Variants in RNGTT observed in about 807,000 individuals in gnomAD.
RNGTT encodes RNA guanylyltransferase and 5'-phosphatase.
A neutral mutation model predicts 79.3 loss-of-function variants in RNGTT; 33 were observed. The observed-to-expected ratio is 0.42, with a 90% CI of 0.32 to 0.56. The LOEUF is 0.56. RNGTT is among the 20% of genes least tolerant of loss of function. The pLI is 0.17. For missense variants in RNGTT, 497 were observed against 739.1 expected (o/e 0.67, Z 3.80); for synonymous variants, 222 against 235.9 (o/e 0.94, Z 0.54).
intron 13 of RNGTT, among the ~76,000 whole-genome samples, chr6:88,757,390 G>T (rs1778056153): frequency 6.6e-6 from 1 of 152,144 alleles, no homozygotes. Flanking sequence ...AATATCAATT[G>T]TATATCTGGA....
intron 11 of RNGTT, among the ~76,000 whole-genome samples, chr6:88,810,526 C>T (rs569577939): frequency 6.6e-6 from 1 of 152,100 alleles, no homozygotes; most frequent in Non-Finnish European, 1.5e-5. Context: ...CTGTCAGGCA[C>T]AGTCTCCATG....
At chr6:88,898,014 C>T (rs559834889) in intron 6 of RNGTT, among the ~76,000 whole-genome samples, 1 of 152,212 alleles carries the variant, frequency 6.6e-6, no homozygotes, top group Admixed American at 6.5e-5. Flanking sequence ...CCAGACTCTA[C>T]TTGTCTTTGT....
intron 13 of RNGTT, among the ~76,000 whole-genome samples, chr6:88,730,127 A>G (rs977464548): frequency 1.3e-5 from 2 of 152,232 alleles, no homozygotes. Context: ...GAAATGCAAG[A>G]GGAGGGGTTG....
chr6:88,702,619 C>T (rs1775985369), intron 13 of RNGTT, among the ~76,000 whole-genome samples: 1 of 151,904 alleles, frequency 6.6e-6, no homozygotes, highest in Non-Finnish European at 1.5e-5. Context: ...AGAAGAAAAC[C>T]TAGGAAACAC....
intron 11 of RNGTT, among the ~76,000 whole-genome samples, chr6:88,824,127 G>T (rs1389200064): frequency 6.6e-6 from 1 of 152,104 alleles, no homozygotes; most frequent in Non-Finnish European, 1.5e-5. Context: ...ATACAGTTAT[G>T]CATCATTTAA....
At position 88,890,564 on chromosome 6, in the gene RNGTT, A is replaced by G. The variant is rs1261932625; in HGVS notation, c.827T>C (p.Met276Thr). ...TAAAAGTTTAATATTTTGCTTGTCC[A>G]TGGAAACAGGCTGTGCTCCAGGGAA... ...SGFPGAQPVS[M>T]DKQNIKLLDL... The change falls in exon 8 of 16, where the codon ATG (methionine) becomes ACG (threonine). Residue 276 changes from methionine (M) to threonine (T), a missense_variant. Met to Thr is a moderately conservative substitution (Grantham distance 81). Transcript: ENST00000369485. The G allele has an allele frequency of 1.9e-6, 3 of 1,613,750 alleles. No individual in the cohort carries two copies. Among genetic ancestry groups the G allele is most frequent in the Non-Finnish European group, 2.5e-6 (3 of 1,179,766 alleles).
chr6:88,822,302 C>T (rs148657633), intron 11 of RNGTT, among the ~76,000 whole-genome samples: 4 of 152,028 alleles, frequency 2.6e-5, no homozygotes, highest in African/African-American at 9.6e-5. Context: ...TACACAGATA[C>T]GTAGAAAACA....
chr6:88,647,701 TAA>T (rs746472579), intron 14 of RNGTT, among the ~76,000 whole-genome samples: 19 of 100,854 alleles, frequency 1.9e-4, no homozygotes, highest in Admixed American at 3.1e-4. Flanking sequence ...GACACCCTGT[TAA>T]AAAAAAAAAA....
intron 11 of RNGTT, among the ~76,000 whole-genome samples, chr6:88,834,828 AAAAT>A (rs1213137594): frequency 2.7e-5 from 4 of 145,910 alleles, no homozygotes; most frequent in African/African-American, 1.0e-4. Context: ...CAATACATAG[AAAAT>A]AAATCTGAAT....
chr6:88,759,652 T>C (rs1778141703), intron 13 of RNGTT, among the ~76,000 whole-genome samples: 1 of 152,170 alleles, frequency 6.6e-6, no homozygotes, highest in African/African-American at 2.4e-5. Flanking sequence ...ATCTTTCTCC[T>C]TCCTCACTGA....
At chr6:88,894,778 A>G (rs1269266020) in intron 6 of RNGTT, among the ~76,000 whole-genome samples, 2 of 152,220 alleles carry the variant, frequency 1.3e-5, no homozygotes, top group Non-Finnish European at 2.9e-5. Context: ...CACTAATTCT[A>G]AACAGTGGCC....
chr6:88,928,054 T>C (rs1784378472), intron 4 of RNGTT, among the ~76,000 whole-genome samples: 1 of 148,266 alleles, frequency 6.7e-6, no homozygotes, highest in Non-Finnish European at 1.5e-5. Flanking sequence ...AAAATAAAAA[T>C]AAAAATAAAT....
chr6:88,864,363 T>G (rs985950323), intron 8 of RNGTT, among the ~76,000 whole-genome samples: 1 of 152,128 alleles, frequency 6.6e-6, no homozygotes, highest in African/African-American at 2.4e-5. Flanking sequence ...TAAAATGAAC[T>G]GTTCATTTGC....
chr6:88,924,231 A>G (rs1323099713), intron 4 of RNGTT, among the ~76,000 whole-genome samples: 2 of 152,196 alleles, frequency 1.3e-5, no homozygotes, highest in East Asian at 1.9e-4. Flanking sequence ...TCTCAGAAAT[A>G]TAATTTTTTT....
intron 13 of RNGTT, among the ~76,000 whole-genome samples, chr6:88,730,505 T>A (rs557987209): frequency 2.6e-5 from 4 of 152,222 alleles, no homozygotes; most frequent in African/African-American, 9.7e-5. Context: ...AGAAGTACCT[T>A]GCCTTGCTCA....
intron 13 of RNGTT, among the ~76,000 whole-genome samples, chr6:88,727,002 T>TG (rs71554793): frequency 0.012 from 1,647 of 143,172 alleles, 15 homozygotes; most frequent in Admixed American, 0.012. Context: ...AAAAAAGGGG[T>TG]GGGGGGGGAG....
intron 2 of RNGTT, among the ~76,000 whole-genome samples, chr6:88,937,527 ATT>A (rs201510572): frequency 5.6e-5 from 8 of 142,078 alleles, no homozygotes; most frequent in Non-Finnish European, 9.3e-5. Context: ...GATTCTTTGT[ATT>A]TTTTTTTTTA....
At chr6:88,710,777 G>A (rs1776291502) in intron 13 of RNGTT, among the ~76,000 whole-genome samples, 1 of 152,062 alleles carries the variant, frequency 6.6e-6, no homozygotes, top group Non-Finnish European at 1.5e-5. Flanking sequence ...CTTTTTGTAT[G>A]AGGTAAGAAA....
intron 13 of RNGTT, among the ~76,000 whole-genome samples, chr6:88,691,045 A>G (rs939039781): frequency 2.0e-5 from 3 of 152,206 alleles, no homozygotes; most frequent in African/African-American, 7.2e-5. Context: ...GTCAAAGAGC[A>G]AAGTGTGGTT....
Sources: allele counts gnomAD v4.1 joint callset (sites outside exome capture counted in the v4.1 genomes callset), GRCh38; gene constraint gnomAD v4.1.1; transcripts MANE v1.5; gene names NCBI Gene and HGNC (gene_info 2026-07-23, HGNC 2026-07-21).